PALLD: variants seen among roughly 807,000 people sequenced by gnomAD.
The protein encoded by PALLD is palladin.
PALLD carries 61 observed loss-of-function variants against 123.5 expected under a neutral mutation model. The ratio of observed to expected loss-of-function variants is 0.49; its 90% CI spans 0.40 to 0.61. The LOEUF (loss-of-function observed/expected upper bound fraction) is 0.61, where lower values mean the gene tolerates loss of function less well. PALLD is among the 20% of genes least tolerant of loss of function. The pLI, the probability that PALLD is intolerant of heterozygous loss-of-function variation, is 0.00. For missense variants in PALLD, 1,273 were observed against 1,377.0 expected, an observed-to-expected ratio of 0.92 and a Z score of 1.20; for synonymous variants, 465 against 496.4, an observed-to-expected ratio of 0.94 and a Z score of 0.84.
chr4:168,638,584 C>T (rs1219137715), intron 2 of PALLD, among the ~76,000 whole-genome samples: 1 of 152,298 alleles, frequency 6.6e-6, no homozygotes, highest in South Asian at 2.1e-4. Flanking sequence ...AGGTTTATTG[C>T]TCACAGTTCT....
chr4:168,540,618 A>C (rs1765521310), intron 2 of PALLD, among the ~76,000 whole-genome samples: 2 of 152,170 alleles, frequency 1.3e-5, no homozygotes, highest in South Asian at 4.1e-4. Flanking sequence ...GTATGCATGT[A>C]TGTTTGTTTT....
intron 10 of PALLD, among the ~76,000 whole-genome samples, chr4:168,834,179 A>G (rs1744770712): frequency 6.6e-6 from 1 of 151,992 alleles, no homozygotes; most frequent in South Asian, 2.1e-4. Flanking sequence ...GCCCTGTGTG[A>G]GGAGCATGGG....
chr4:168,656,623 C>T (rs1003631066), intron 2 of PALLD, among the ~76,000 whole-genome samples: 3 of 152,076 alleles, frequency 2.0e-5, no homozygotes, highest in African/African-American at 4.8e-5. Context: ...TTATTTATTC[C>T]TATAATTATC....
chr4:168,707,455 T>C (rs1784336483), intron 8 of PALLD, among the ~76,000 whole-genome samples: 1 of 152,190 alleles, frequency 6.6e-6, no homozygotes. Flanking sequence ...TTGGAAGGGC[T>C]TATGTCTGCT....
In PALLD at chr4:168,779,538, CAT is replaced by C. The variant is rs565544907; in HGVS notation, c.1964+67616_1964+67617del. ...AAAATATCATATATATACACACACACATGTGCACACCCTTGCATCTAATTTAT... is the reference window on the plus strand; with the variant it reads ...AAAATATCATATATATACACACACACGTGCACACCCTTGCATCTAATTTAT... On this transcript the variant is annotated intron_variant, in intron 10 of 21. Coordinates refer to ENST00000505667, the MANE Select transcript of PALLD (RefSeq NM_001166108.2). 4.0e-5 allele frequency among the ~76,000 whole-genome samples: 6 copies of C among 151,520 alleles called. No individual in the cohort carries two copies. The South Asian group carries it at 1.0e-3, about 26-fold the overall frequency.
chr4:168,877,188 TTAAAG>T (rs1348589382), intron 10 of PALLD, among the ~76,000 whole-genome samples: 1 of 152,190 alleles, frequency 6.6e-6, no homozygotes, highest in Admixed American at 6.5e-5. Context: ...AATGTAGAGA[TTAAAG>T]TAAATTTTTT....
At chr4:168,838,851 GT>G (rs1283955339) in intron 10 of PALLD, among the ~76,000 whole-genome samples, 2 of 151,992 alleles carry the variant, frequency 1.3e-5, no homozygotes, top group African/African-American at 4.8e-5. Flanking sequence ...CTGAAATGCT[GT>G]GATGTTCCTA....
chr4:168,671,745 A>G (rs756595913), intron 3 of PALLD, among the ~76,000 whole-genome samples: 1 of 152,176 alleles, frequency 6.6e-6, no homozygotes, highest in Non-Finnish European at 1.5e-5. Context: ...AGAAATTTTT[A>G]TATTTTACTT....
chr4:168,685,352 A>T, intron 5 of PALLD, 133 bp from the exon 6 acceptor site: 1 of 746,852 alleles, frequency 1.3e-6, no homozygotes, highest in Non-Finnish European at 2.5e-6. Context: ...AGACGAGCAA[A>T]ATGATGTATG....
chr4:168,502,355 A>G (rs555706037), intron 1 of PALLD, among the ~76,000 whole-genome samples: 7 of 152,264 alleles, frequency 4.6e-5, no homozygotes, highest in African/African-American at 1.7e-4. Flanking sequence ...ACTTTCTTTG[A>G]GGGTAATGAG....
intron 21 of PALLD, 112 bp from the exon 22 acceptor site, chr4:168,926,101 A>T: frequency 1.2e-6 from 1 of 824,166 alleles, no homozygotes; most frequent in Non-Finnish European, 1.8e-6. Flanking sequence ...TCTACCATGG[A>T]TGTGTTCAGG....
At chr4:168,591,557 C>T (rs140146125) in intron 2 of PALLD, among the ~76,000 whole-genome samples, 2 of 152,110 alleles carry the variant, frequency 1.3e-5, no homozygotes, top group South Asian at 2.1e-4. Flanking sequence ...TTCTCATCAC[C>T]GGTAAAAACG....
intron 10 of PALLD, among the ~76,000 whole-genome samples, chr4:168,737,787 G>T (rs897444445): frequency 9.2e-5 from 14 of 152,182 alleles, no homozygotes; most frequent in African/African-American, 3.4e-4. Flanking sequence ...AAATAATTCG[G>T]CCCATACCTC....
intron 10 of PALLD, among the ~76,000 whole-genome samples, chr4:168,753,494 G>A (rs1731347941): frequency 6.6e-6 from 1 of 152,020 alleles, no homozygotes; most frequent in South Asian, 2.1e-4. Flanking sequence ...ATGGCCCCAT[G>A]AATCTTGTCT....
In PALLD at chr4:168,725,076, T is replaced by C. The variant is rs77968408; in HGVS notation, c.1964+13153T>C. 2.2e-4 allele frequency among the ~76,000 whole-genome samples: 33 copies of C among 152,306 alleles called. 1 individual carries two copies. In the East Asian group the frequency reaches 6.4e-3, roughly 29 times the overall value. On this transcript the variant is annotated intron_variant, in intron 10 of 21. Coordinates refer to ENST00000505667, the MANE Select transcript of PALLD (RefSeq NM_001166108.2). ...TAATGATGTATGTATCCACAATAGG[T>C]AGCATTTGAGAGACTCCAGCTGTGA...
chr4:168,499,736 C>T (rs1761197674), intron 1 of PALLD, among the ~76,000 whole-genome samples: 1 of 151,950 alleles, frequency 6.6e-6, no homozygotes, highest in African/African-American at 2.4e-5. Flanking sequence ...ATATTTATTC[C>T]TATCTATGTA....
At chr4:168,526,416 CA>C (rs1764050259) in intron 2 of PALLD, among the ~76,000 whole-genome samples, 1 of 152,208 alleles carries the variant, frequency 6.6e-6, no homozygotes, top group Non-Finnish European at 1.5e-5. Context: ...AACCTTCTCA[CA>C]TCCGTGGTAT....
chr4:168,709,425 A>G (rs957565759), intron 9 of PALLD, among the ~76,000 whole-genome samples: 2 of 150,382 alleles, frequency 1.3e-5, no homozygotes, highest in Non-Finnish European at 3.0e-5. Context: ...CAGGAGAATC[A>G]CTTGAACCCA....
chr4:168,543,457 T>C (rs1765841157), intron 2 of PALLD, among the ~76,000 whole-genome samples: 1 of 152,108 alleles, frequency 6.6e-6, no homozygotes, highest in South Asian at 2.1e-4. Flanking sequence ...ACACAATCTC[T>C]GTAAGTTTTC....
Sources: allele counts gnomAD v4.1 joint callset (sites outside exome capture counted in the v4.1 genomes callset), GRCh38; gene constraint gnomAD v4.1.1; transcripts MANE v1.5; gene names NCBI Gene and HGNC (gene_info 2026-07-23, HGNC 2026-07-21).